AIMP2: variants seen among roughly 807,000 people sequenced by gnomAD.
AIMP2 encodes aminoacyl tRNA synthetase complex interacting multifunctional protein 2.
In AIMP2, 20 loss-of-function variants were observed where a neutral mutation model predicts 23.4. The ratio of observed to expected loss-of-function variants is 0.85; its 90% confidence interval spans 0.60 to 1.24. The LOEUF is 1.24. Among genes scored for constraint, AIMP2 ranks in the 50% most tolerant of loss-of-function variants. The pLI, the probability that AIMP2 is intolerant of heterozygous loss-of-function variation, is 0.00. For synonymous variants in AIMP2, 210 were observed against 170.4 expected, an observed-to-expected ratio of 1.23 and a Z score of -1.81; for missense variants, 515 against 414.5, an observed-to-expected ratio of 1.24 and a Z score of -2.10.
chr7:6,017,928 C>T lies in AIMP2; in HGVS notation c.457C>T (p.His153Tyr), dbSNP rs764843355. The T allele has an allele frequency of 6.2e-7, 1 of 1,614,072 alleles. No homozygotes were observed. The part of the protein sequence containing the change: ...CEHFRVLSTV[H>Y]THSSVKSVPE... ...GCACTTCAGGGTCCTGTCCACGGTG[C>T]ACACGCACTCCTCGGTCAAGAGCGT... Residue 153 changes from histidine (H) to tyrosine (Y), a missense_variant, in exon 3 of 4, where the codon CAC (histidine) becomes TAC (tyrosine). Coordinates refer to ENST00000223029, the MANE Select transcript of AIMP2 (RefSeq NM_006303.4).
At chr7:6,013,423 GC>G (rs139627811) in intron 1 of AIMP2, among the ~76,000 whole-genome samples, 51,276 of 151,642 alleles carry the variant, frequency 0.34, 9,408 homozygotes, top group Non-Finnish European at 0.41. Context: ...ACCACACCTG[GC>G]TAATTTTTGT....
At chr7:6,019,664 T>C (rs1787258797) in intron 3 of AIMP2, among the ~76,000 whole-genome samples, 1 of 152,080 alleles carries the variant, frequency 6.6e-6, no homozygotes, top group Admixed American at 6.6e-5. Flanking sequence ...TTGCTTGATA[T>C]GTACCAGAAG....
At position 6,023,285 on chromosome 7, in the gene AIMP2, C is replaced by T. The variant is rs758529606; in HGVS notation, c.575-18C>T. ...GGGCTGCTCTGGTGATGCTACCTGG[C>T]GTGTTTTTTCTTTTCAGTGCCGAAG... On this transcript the variant is annotated intron_variant, in intron 3 of 3. Coordinates refer to ENST00000223029, the MANE Select transcript of AIMP2 (RefSeq NM_006303.4). The T allele has an allele frequency of 1.1e-5, 18 of 1,571,352 alleles. No homozygotes were observed. Among genetic ancestry groups the T allele is most frequent in the Admixed American group, 1.1e-4 (6 of 55,112 alleles).
chr7:6,018,151 T>TTC lies in AIMP2; in HGVS notation c.574+107_574+108insCT, dbSNP rs1554314629. On this transcript the variant is annotated intron_variant, in intron 3 of 3. Coordinates refer to ENST00000223029, the MANE Select transcript of AIMP2 (RefSeq NM_006303.4). ...ATGTGGATTTTTTTCTTTTTCTTTT[T>TTC]TTTTTTTTTTTTTGAGACAGAGTCT... 7.6e-5 allele frequency: 61 copies of TTC among 804,718 alleles called. No individual in the cohort carries two copies. In the African/African-American group the frequency reaches 9.4e-4, roughly 12 times the overall value. 49.8% of individuals were successfully genotyped at this position (804,718 alleles called of 1,614,324 possible).
chr7:6,013,513 G>A (rs1401548539), intron 1 of AIMP2, among the ~76,000 whole-genome samples: 2 of 151,984 alleles, frequency 1.3e-5, no homozygotes, highest in African/African-American at 4.8e-5. Context: ...TGCCCCTCTC[G>A]GCCTCCCAAA....
At position 6,009,974 on chromosome 7, in the gene AIMP2, A is replaced by AAATATACATATATATATATATATATAT; in HGVS notation, c.135+477_135+478insATATACATATATATATATATATATATA. Among the ~76,000 whole-genome samples the AAATATACATATATATATATATATATAT allele has an allele frequency of 1.0e-3, 28 of 26,672 alleles. 1 individual carries two copies. The highest frequency in any genetic ancestry group is 2.2e-3 in the African/African-American group (16 of 7,146). 17.5% of individuals were successfully genotyped at this position (26,672 alleles called of 152,430 possible). A position where few individuals can be genotyped will look rare whatever the true frequency, so the allele number is the denominator to read the frequency against. ...CAAAAAAAAAAAAAAAAAAAAAAAA[A>AAATATACATATATATATATATATATAT]ATATATATATATATATATGTATGTA... On this transcript the variant is annotated intron_variant, in intron 1 of 3. Coordinates refer to ENST00000223029, the MANE Select transcript of AIMP2 (RefSeq NM_006303.4).
chr7:6,009,541 C>T (rs1033639295), intron 1 of AIMP2, 43 bp downstream of exon 1: 8 of 1,386,590 alleles, frequency 5.8e-6, no homozygotes, highest in Non-Finnish European at 7.5e-6. Context: ...CGCGCGGCGA[C>T]CGGCTGCTGG....
At chr7:6,016,302 T>C (rs1787028528) in intron 2 of AIMP2, among the ~76,000 whole-genome samples, 1 of 152,220 alleles carries the variant, frequency 6.6e-6, no homozygotes, top group African/African-American at 2.4e-5. Context: ...GTGATATTTA[T>C]TTGAGGATGC....
chr7:6,013,167 C>G (rs1024868560), intron 1 of AIMP2: 1 of 159,300 alleles, frequency 6.3e-6, no homozygotes, highest in Non-Finnish European at 1.3e-5. Context: ...CCAAATGATA[C>G]AAAATGTCTG....
intron 1 of AIMP2, among the ~76,000 whole-genome samples, chr7:6,014,384 A>G (rs1308539383): frequency 6.7e-6 from 1 of 149,842 alleles, no homozygotes; most frequent in Non-Finnish European, 1.5e-5. Context: ...CAGCCTCCTG[A>G]GTAGCTGGGA....
chr7:6,020,739 A>T (rs1346496144), intron 3 of AIMP2, among the ~76,000 whole-genome samples: 2 of 152,188 alleles, frequency 1.3e-5, no homozygotes, highest in Admixed American at 1.3e-4. Flanking sequence ...ACAGGTTTTT[A>T]ATGCAGACAA....
chr7:6,009,433 A>C lies in AIMP2; in HGVS notation c.70A>C (p.Met24Leu). The C allele has an allele frequency of 6.2e-7, 1 of 1,611,242 alleles. No homozygotes were observed. The highest frequency in any genetic ancestry group is 8.5e-7 in the Non-Finnish European group (1 of 1,179,904). The change falls in exon 1 of 4, where the codon ATG becomes CTG. Residue 24 changes from methionine (M) to leucine (L), a missense_variant. Transcript: ENST00000223029. Reference sequence around the variant, plus strand: ...TCTCCGTGTGGAGCTTCCCACCTGCATGTACCGGCTCCCCAACGTGCACGG... The same window carrying C: ...TCTCCGTGTGGAGCTTCCCACCTGCCTGTACCGGCTCCCCAACGTGCACGG... ...APLRVELPTC[M>L]YRLPNVHGRS...
intron 3 of AIMP2, among the ~76,000 whole-genome samples, chr7:6,021,143 G>C (rs1015405170): frequency 1.1e-4 from 16 of 152,030 alleles, no homozygotes; most frequent in African/African-American, 3.9e-4. Flanking sequence ...CTTGCCCCCA[G>C]GCTCATTACA....
intron 2 of AIMP2, among the ~76,000 whole-genome samples, chr7:6,017,602 G>A (rs151328955): frequency 1.3e-5 from 2 of 152,144 alleles, no homozygotes; most frequent in African/African-American, 4.8e-5. Context: ...TGGGGGTAAG[G>A]GGGTGGAGTC....
rs777707483 is a variant in AIMP2, at chr7:6,017,860, C to T, written c.389C>T (p.Ser130Phe). 1 of 1,614,090 alleles carries T rather than the reference C, an allele frequency of 6.2e-7. No homozygotes were observed. The highest frequency in any genetic ancestry group is 1.1e-5 in the South Asian group (1 of 91,080). ...KDIVINANPASPPLSLLVLHR... is the reference protein window; with the variant it reads ...KDIVINANPAFPPLSLLVLHR... Reference sequence around the variant, plus strand: ...ATCGTGATCAACGCAAACCCGGCCTCCCCTCCCCTCTCCCTGCTTGTGCTG... The same window carrying T: ...ATCGTGATCAACGCAAACCCGGCCTTCCCTCCCCTCTCCCTGCTTGTGCTG... The change falls in exon 3 of 4, where the codon TCC becomes TTC. Residue 130 changes from serine to phenylalanine, a missense_variant. Coordinates refer to ENST00000223029, the MANE Select transcript of AIMP2 (RefSeq NM_006303.4).
chr7:6,014,935 G>C (rs1424681958), intron 1 of AIMP2: 2 of 1,073,246 alleles, frequency 1.9e-6, no homozygotes, highest in Non-Finnish European at 2.5e-6. Flanking sequence ...GGCCAGGCTG[G>C]TCTTGAACTC....
intron 1 of AIMP2, among the ~76,000 whole-genome samples, chr7:6,012,445 G>T (rs958515050): frequency 6.6e-6 from 1 of 152,112 alleles, no homozygotes; most frequent in Non-Finnish European, 1.5e-5. Context: ...AACAGATCTT[G>T]AACATTTTGT....
At chr7:6,014,494 G>C (rs1786892790) in intron 1 of AIMP2, among the ~76,000 whole-genome samples, 1 of 91,944 alleles carries the variant, frequency 1.1e-5, no homozygotes, top group Non-Finnish European at 2.2e-5. Context: ...TTGAAATCAG[G>C]TGATCCACCT....
chr7:6,013,925 T>G (rs1320802918), intron 1 of AIMP2, among the ~76,000 whole-genome samples: 1 of 150,652 alleles, frequency 6.6e-6, no homozygotes, highest in East Asian at 2.0e-4. Context: ...CACTCCAGCC[T>G]GGGCAATAGA....
Sources: gnomAD v4.1 joint callset for allele counts (sites outside exome capture counted in the v4.1 genomes callset) on GRCh38, gnomAD v4.1.1 for gene constraint, MANE v1.5 for transcripts, NCBI Gene and HGNC (gene_info 2026-07-23, HGNC 2026-07-21) for gene names.